The following CADPS variants were observed in gnomAD, a reference collection of about 807,000 sequenced individuals.
CADPS encodes the protein calcium-dependent secretion activator 1.
In CADPS, 57 loss-of-function variants were observed where a neutral mutation model predicts 167.3. The observed-to-expected ratio is 0.34, with a 90% confidence interval of 0.28 to 0.42. CADPS has a LOEUF of 0.42. CADPS is among the 20% of genes least tolerant of loss of function. The pLI, the probability that CADPS is intolerant of heterozygous loss-of-function variation, is 1.00. For missense variants in CADPS, 1,414 were observed against 1,738.1 expected (o/e 0.81, Z 3.32); for synonymous variants, 676 against 635.3 (o/e 1.06, Z -0.96).
At chr3:62,786,053 A>T (rs1330892169) in intron 1 of CADPS, among the ~76,000 whole-genome samples, 1 of 152,052 alleles carries the variant, frequency 6.6e-6, no homozygotes, top group Non-Finnish European at 1.5e-5. Flanking sequence ...TCTCTACTAA[A>T]AATACAAAAA....
chr3:62,642,464 G>A (rs1209772077), intron 6 of CADPS, among the ~76,000 whole-genome samples: 4 of 152,170 alleles, frequency 2.6e-5, no homozygotes, highest in African/African-American at 9.6e-5. Flanking sequence ...ATTAGTAATA[G>A]GAGAAAGTGT....
intron 1 of CADPS, among the ~76,000 whole-genome samples, chr3:62,847,325 T>C: frequency 7.0e-6 from 1 of 142,850 alleles, no homozygotes; most frequent in Admixed American, 7.0e-5. Flanking sequence ...ATGTGCACAT[T>C]GTGCAGGTTA....
At chr3:62,523,518 C>T (rs1465721677) in intron 13 of CADPS, among the ~76,000 whole-genome samples, 2 of 152,076 alleles carry the variant, frequency 1.3e-5, no homozygotes, top group Non-Finnish European at 2.9e-5. Context: ...AATGGTTCTC[C>T]ATATTATGTT....
intron 1 of CADPS, among the ~76,000 whole-genome samples, chr3:62,815,321 T>G (rs1010309161): frequency 6.6e-6 from 1 of 151,134 alleles, no homozygotes; most frequent in African/African-American, 2.4e-5. Context: ...AATTAGTGAG[T>G]GAAGAGGCCA....
intron 22 of CADPS, among the ~76,000 whole-genome samples, chr3:62,479,672 G>A (rs1008139090): frequency 2.9e-4 from 44 of 152,220 alleles, no homozygotes; most frequent in Non-Finnish European, 4.7e-4. Flanking sequence ...GTACGTAGAC[G>A]TATCTGACAC....
At chr3:62,805,126 A>G (rs1366843618) in intron 1 of CADPS, among the ~76,000 whole-genome samples, 2 of 152,174 alleles carry the variant, frequency 1.3e-5, no homozygotes, top group Admixed American at 1.3e-4. Context: ...CTACATGCCT[A>G]TAGCACTCCC....
chr3:62,419,830 C>G (rs1172811572), intron 28 of CADPS, among the ~76,000 whole-genome samples: 1 of 152,046 alleles, frequency 6.6e-6, no homozygotes, highest in Non-Finnish European at 1.5e-5. Context: ...AACTCATGTA[C>G]AGAACGGAAA....
At chr3:62,546,788 G>A (rs1024564929) in intron 11 of CADPS, among the ~76,000 whole-genome samples, 11 of 152,194 alleles carry the variant, frequency 7.2e-5, no homozygotes, top group African/African-American at 2.4e-4. Context: ...TACATGGGAG[G>A]ATGTTTATAA....
chr3:62,679,239 A>G (rs1468970954), intron 3 of CADPS, among the ~76,000 whole-genome samples: 2 of 151,994 alleles, frequency 1.3e-5, no homozygotes, highest in African/African-American at 4.8e-5. Context: ...ACTTGTGGCT[A>G]TATTTCTACT....
At chr3:62,504,688 A>G (rs1474138459) in intron 17 of CADPS, among the ~76,000 whole-genome samples, 1 of 152,214 alleles carries the variant, frequency 6.6e-6, no homozygotes, top group African/African-American at 2.4e-5. Flanking sequence ...GAGCAAAACA[A>G]AAACATCATA....
At chr3:62,669,255 C>T (rs569116071) in intron 3 of CADPS, among the ~76,000 whole-genome samples, 5 of 152,292 alleles carry the variant, frequency 3.3e-5, no homozygotes, top group African/African-American at 1.2e-4. Flanking sequence ...AGGGTGGAGG[C>T]ACCTCCCCAT....
At chr3:62,610,513 A>G (rs2061362538) in intron 6 of CADPS, among the ~76,000 whole-genome samples, 1 of 152,110 alleles carries the variant, frequency 6.6e-6, no homozygotes, top group Non-Finnish European at 1.5e-5. Flanking sequence ...GGCCTCCCAA[A>G]GTGTTAGGAT....
chr3:62,423,976 G>T (rs925869077), intron 28 of CADPS, among the ~76,000 whole-genome samples: 1 of 152,082 alleles, frequency 6.6e-6, no homozygotes, highest in Non-Finnish European at 1.5e-5. Context: ...CAATTAATTG[G>T]AATCTTTCCT....
intron 3 of CADPS, among the ~76,000 whole-genome samples, chr3:62,733,324 C>T (rs973649295): frequency 6.6e-6 from 1 of 152,156 alleles, no homozygotes; most frequent in African/African-American, 2.4e-5. Context: ...GCCAGAAGAG[C>T]GTCTATGGAT....
chr3:62,775,593 G>A (rs532919398), intron 1 of CADPS, among the ~76,000 whole-genome samples: 6 of 152,262 alleles, frequency 3.9e-5, no homozygotes, highest in Admixed American at 3.9e-4. Flanking sequence ...TGTTTTTCTT[G>A]AAGTAACAGG....
Position 62,848,493 on chromosome 3 carries a change from C to T in CADPS, c.441+26096G>A, listed in dbSNP as rs372227040. 6.5e-5 allele frequency among the ~76,000 whole-genome samples: 9 copies of T among 137,744 alleles called. No homozygotes were observed. In the East Asian group the frequency reaches 1.9e-3, roughly 29 times the overall value. 90.4% of individuals were successfully genotyped at this position (137,744 alleles called of 152,430 possible). A position where few individuals can be genotyped will look rare whatever the true frequency, so the allele number is the denominator to read the frequency against. On this transcript the variant is annotated intron_variant, in intron 1 of 29. Transcript: ENST00000383710. ...GAAGGGATCCAGTTTCAGCTTTCTA[C>T]ATATGGCTAGCCAGTTTTCCAAGCA...
intron 28 of CADPS, among the ~76,000 whole-genome samples, chr3:62,415,786 T>A (rs1251468214): frequency 6.6e-6 from 1 of 152,142 alleles, no homozygotes; most frequent in Admixed American, 6.5e-5. Flanking sequence ...CAATTAGCAA[T>A]AGGCACGGAG....
At chr3:62,539,905 T>C (rs1255314816) in intron 11 of CADPS, among the ~76,000 whole-genome samples, 1 of 152,148 alleles carries the variant, frequency 6.6e-6, no homozygotes, top group Admixed American at 6.6e-5. Context: ...ACTAGGTATA[T>C]GATATGAGGC....
At chr3:62,655,748 C>A (rs1274522484) in intron 4 of CADPS, among the ~76,000 whole-genome samples, 3 of 152,072 alleles carry the variant, frequency 2.0e-5, no homozygotes, top group African/African-American at 4.8e-5. Flanking sequence ...GACAGAAGGG[C>A]CGGTGCTAGA....
Sources: gnomAD v4.1 joint callset for allele counts (sites outside exome capture counted in the v4.1 genomes callset) on GRCh38, gnomAD v4.1.1 for gene constraint, MANE v1.5 for transcripts, NCBI Gene and HGNC (gene_info 2026-07-23, HGNC 2026-07-21) for gene names.